CCDC178: variants seen among roughly 807,000 people sequenced by gnomAD.
CCDC178 encodes coiled-coil domain containing 178, also known as coiled-coil domain-containing protein 178.
A neutral mutation model predicts 117.4 loss-of-function variants in CCDC178; 126 were observed. The ratio of observed to expected loss-of-function variants is 1.07; its 90% CI spans 0.93 to 1.24. CCDC178 has a LOEUF of 1.24. CCDC178 is among the 50% of genes most tolerant of loss of function. The pLI, the probability that CCDC178 is intolerant of heterozygous loss-of-function variation, is 0.00. For synonymous variants in CCDC178, 283 were observed against 313.4 expected (o/e 0.90, Z 1.02); for missense variants, 1,030 against 986.9 (o/e 1.04, Z -0.59).
chr18:33,293,383 A>G (rs1295192695), intron 11 of CCDC178, 71 bp from the exon 12 acceptor site: 5 of 981,660 alleles, frequency 5.1e-6, no homozygotes, highest in Non-Finnish European at 7.2e-6. Context: ...TACTTAGGCC[A>G]GGCTTGGTGG....
chr18:33,309,967 A>C (rs1445509088), intron 11 of CCDC178, among the ~76,000 whole-genome samples: 5 of 135,198 alleles, frequency 3.7e-5, no homozygotes, highest in South Asian at 2.3e-4. Context: ...TTATTTATTT[A>C]TTTATTTATT....
At chr18:33,046,212 CT>C (rs1246671247) in intron 21 of CCDC178, among the ~76,000 whole-genome samples, 1 of 152,108 alleles carries the variant, frequency 6.6e-6, no homozygotes, top group Non-Finnish European at 1.5e-5. Flanking sequence ...AATGAGTGAC[CT>C]GTTTTTATAT....
At chr18:33,247,730 T>C (rs1327064537) in intron 14 of CCDC178, among the ~76,000 whole-genome samples, 1 of 151,928 alleles carries the variant, frequency 6.6e-6, no homozygotes, top group African/African-American at 2.4e-5. Context: ...TATGTGTATA[T>C]GTGTGTTAAT....
intron 2 of CCDC178, among the ~76,000 whole-genome samples, chr18:33,426,502 T>C (rs1410448570): frequency 6.6e-6 from 1 of 152,182 alleles, no homozygotes; most frequent in Non-Finnish European, 1.5e-5. Context: ...TCCTGCCATC[T>C]CTTGCCTCTG....
chr18:33,211,036 A>G (rs2059101434), intron 20 of CCDC178, among the ~76,000 whole-genome samples: 1 of 151,920 alleles, frequency 6.6e-6, no homozygotes. Flanking sequence ...TAGATATGTA[A>G]AAAGTAGGGA....
chr18:33,267,444 T>C lies in CCDC178; in HGVS notation c.1177-147A>G, dbSNP rs557219871. 1.6e-5 allele frequency: 8 copies of C among 507,140 alleles called. No individual in the cohort carries two copies. In the Admixed American group the frequency reaches 2.7e-4, roughly 17 times the overall value. The allele number at this position is 507,140 out of a possible 1,614,324, so 31.4% of individuals were successfully genotyped here. ...ATAGAAAATTCGGAATCATAATTCA[T>C]CACATCAACAAGTTAAAGGAGAAAA... On this transcript the variant is annotated intron_variant, in intron 12 of 22. Coordinates refer to ENST00000383096, the MANE Select transcript of CCDC178 (RefSeq NM_001105528.4).
intron 20 of CCDC178, among the ~76,000 whole-genome samples, chr18:33,114,945 G>A (rs1170769957): frequency 6.6e-6 from 1 of 151,964 alleles, no homozygotes. Context: ...GAGATTTACA[G>A]GTCAAAAAAT....
At chr18:33,059,515 C>A (rs1183103550) in intron 21 of CCDC178, among the ~76,000 whole-genome samples, 7 of 152,102 alleles carry the variant, frequency 4.6e-5, no homozygotes, top group Non-Finnish European at 1.0e-4. Flanking sequence ...TGGTGACTAG[C>A]AAAAGGCCTC....
At position 33,267,224 on chromosome 18, in the gene CCDC178, G is replaced by C. The variant is rs753939150; in HGVS notation, c.1250C>G (p.Ala417Gly). The change falls in exon 13 of 23, where the codon GCA (alanine) becomes GGA (glycine). Residue 417 changes from alanine (A) to glycine (G), a missense_variant. Transcript: ENST00000383096. ...TACTGCAGCATAAAAATCATTAACT[G>C]CTTCCAGATACTGATTTTCATGACT... ...QKSHENQYLE[A>G]VNDFYAAKKT... is the part of the protein sequence containing the mutation. The C allele has an allele frequency of 1.3e-6, 2 of 1,599,980 alleles. No homozygotes were observed. The highest frequency in any genetic ancestry group is 1.4e-5 in the African/African-American group (1 of 74,012).
intron 11 of CCDC178, among the ~76,000 whole-genome samples, chr18:33,313,593 G>A (rs1047370712): frequency 1.3e-5 from 2 of 152,104 alleles, no homozygotes; most frequent in Non-Finnish European, 2.9e-5. Flanking sequence ...CTCTGGCCAG[G>A]AAGTCCTTTA....
At chr18:33,319,715 T>A (rs1347693138) in intron 11 of CCDC178, among the ~76,000 whole-genome samples, 2 of 152,222 alleles carry the variant, frequency 1.3e-5, no homozygotes, top group African/African-American at 4.8e-5. Flanking sequence ...TTCCTGACTT[T>A]TTAATGATTG....
At chr18:33,183,116 G>A (rs1279883562) in intron 20 of CCDC178, among the ~76,000 whole-genome samples, 2 of 151,686 alleles carry the variant, frequency 1.3e-5, no homozygotes, top group African/African-American at 2.4e-5. Context: ...GCATTTTATT[G>A]GCTTTACAAC....
intron 20 of CCDC178, among the ~76,000 whole-genome samples, chr18:33,156,566 CA>C (rs371967338): frequency 5.6e-5 from 8 of 143,518 alleles, no homozygotes; most frequent in African/African-American, 2.1e-4. Context: ...AGCAAACTTA[CA>C]GTCAATTCTT....
intron 11 of CCDC178, among the ~76,000 whole-genome samples, chr18:33,306,022 C>A (rs779385014): frequency 4.8e-4 from 73 of 152,138 alleles, no homozygotes; most frequent in Non-Finnish European, 8.2e-4. Context: ...AAATGATTAA[C>A]CTGCAACTAC....
chr18:33,107,084 A>T (rs1330685793), intron 20 of CCDC178, among the ~76,000 whole-genome samples: 7 of 151,750 alleles, frequency 4.6e-5, no homozygotes, highest in Non-Finnish European at 1.0e-4. Flanking sequence ...AACTTGACTT[A>T]ACCCATCAAG....
At chr18:33,159,329 T>C (rs116845008) in intron 20 of CCDC178, among the ~76,000 whole-genome samples, 1 of 152,104 alleles carries the variant, frequency 6.6e-6, no homozygotes, top group Non-Finnish European at 1.5e-5. Flanking sequence ...TGTTGAACAT[T>C]ATGGTATGAT....
intron 20 of CCDC178, among the ~76,000 whole-genome samples, chr18:33,093,925 C>T (rs556528552): frequency 6.6e-6 from 1 of 151,862 alleles, no homozygotes; most frequent in Admixed American, 6.6e-5. Flanking sequence ...CAGAAATAAC[C>T]ATTGTGAAGC....
rs188240274 is a variant in CCDC178, at chr18:33,090,577, T to C, written c.2388+2184A>G. Among the ~76,000 whole-genome samples, 414 of 152,314 alleles carry C rather than the reference T, an allele frequency of 2.7e-3. 1 individual carries two copies. Among genetic ancestry groups the C allele is most frequent in the Non-Finnish European group, 4.3e-3 (295 of 68,032 alleles). ...CATTTTTGTTGGCCAAATTCCATCC[T>C]GTAAGCAGTGCATTAGACGCTAATG... is the stretch of plus-strand genomic sequence containing the variant. On this transcript the variant is annotated intron_variant, in intron 21 of 22. Coordinates refer to ENST00000383096, the MANE Select transcript of CCDC178 (RefSeq NM_001105528.4).
intron 14 of CCDC178, among the ~76,000 whole-genome samples, chr18:33,253,926 A>T (rs921182409): frequency 2.6e-5 from 4 of 151,914 alleles, no homozygotes; most frequent in Non-Finnish European, 5.9e-5. Flanking sequence ...ATTGAGGGTA[A>T]TATATACATA....
Sources: allele counts gnomAD v4.1 joint callset (sites outside exome capture counted in the v4.1 genomes callset), GRCh38; gene constraint gnomAD v4.1.1; transcripts MANE v1.5; gene names NCBI Gene and HGNC (gene_info 2026-07-23, HGNC 2026-07-21).